ELF5: variants seen among roughly 807,000 people sequenced by gnomAD.
The protein encoded by ELF5 is ETS-related transcription factor Elf-5.
Under a neutral mutation model 38.2 loss-of-function variants are expected in ELF5, and 31 were observed. That is an observed-to-expected ratio of 0.81 (90% CI 0.61 to 1.10). The LOEUF is 1.10. Among genes scored for constraint, ELF5 ranks in the 50% least tolerant of loss-of-function variants. The pLI, the probability that ELF5 is intolerant of heterozygous loss-of-function variation, is 0.00. For synonymous variants in ELF5, 121 were observed against 112.5 expected (o/e 1.08, Z -0.48); for missense variants, 300 against 306.6 (o/e 0.98, Z 0.16).
intron 1 of ELF5, among the ~76,000 whole-genome samples, chr11:34,509,564 G>A (rs1307960001): frequency 6.6e-6 from 1 of 151,820 alleles, no homozygotes; most frequent in South Asian, 2.1e-4. Context: ...AAGGCTGCCT[G>A]GGTTTGGGCT....
chr11:34,481,108 T>A, intron 5 of ELF5, 141 bp from the exon 6 acceptor site: 1 of 570,246 alleles, frequency 1.8e-6, no homozygotes, highest in Admixed American at 4.1e-5. Context: ...CTGCAACCTC[T>A]GCCTCCTGGG....
At chr11:34,500,911 C>T (rs968216179) in intron 2 of ELF5, among the ~76,000 whole-genome samples, 1 of 152,044 alleles carries the variant, frequency 6.6e-6, no homozygotes, top group African/African-American at 2.4e-5. Context: ...AATAAAATCT[C>T]ACATTGTGCA....
At chr11:34,481,425 C>G (rs908736324) in intron 5 of ELF5, among the ~76,000 whole-genome samples, 1 of 152,120 alleles carries the variant, frequency 6.6e-6, no homozygotes, top group African/African-American at 2.4e-5. Flanking sequence ...ATTGCTCTAC[C>G]TGGAAACTTA....
At position 34,480,276 on chromosome 11, in the gene ELF5, C is replaced by T. The variant is rs750089040; in HGVS notation, c.710G>A (p.Arg237Gln). 2.6e-5 allele frequency: 42 copies of T among 1,613,916 alleles called. No individual in the cohort carries two copies. The Middle Eastern group carries it at 6.6e-4, about 25-fold the overall frequency. ...TTTTCCAAATTTGTACACTAACCTT[C>T]GGTCAACCCGCTCCAAAATTCCTGT... Reference protein sequence around the residue: ...YKTGILERVDRRLVYKFGKNA... With the variant: ...YKTGILERVDQRLVYKFGKNA... The change falls in exon 7 of 7, where the codon CGA (arginine) becomes CAA (glutamine). Residue 237 changes from arginine (R) to glutamine (Q), a missense_variant. Transcript: ENST00000257832.
intron 3 of ELF5, among the ~76,000 whole-genome samples, chr11:34,490,373 G>A (rs976614419): frequency 5.3e-5 from 8 of 152,224 alleles, no homozygotes; most frequent in Non-Finnish European, 4.4e-5. Flanking sequence ...TGGGCTCTGA[G>A]CTGGGCCGGG....
chr11:34,496,723 C>T (rs757238271), intron 2 of ELF5, among the ~76,000 whole-genome samples: 4 of 152,212 alleles, frequency 2.6e-5, no homozygotes, highest in Non-Finnish European at 2.9e-5. Flanking sequence ...CTGGCCTAGC[C>T]CACCACAGGC....
At chr11:34,500,350 T>A (rs55941777) in intron 2 of ELF5, among the ~76,000 whole-genome samples, 20,052 of 152,228 alleles carry the variant, frequency 0.13, 1,469 homozygotes, top group Admixed American at 0.21. Context: ...GGAAGGACTT[T>A]ATGAGGGAAA....
chr11:34,493,591 G>A lies in ELF5; in HGVS notation c.243C>T (p.Asn81=). The change falls in exon 3 of 7, where the codon AAC becomes AAT. Residue 81 remains asparagine (N), a synonymous_variant. Transcript: ENST00000257832. ...ACAGCTGCAGGCCACTGATGTTGAA[G>A]TTGCAGAAGGAGATGCAATTGGTGT... ...KLDTNCISFC[N]FNISGLQLCS... 1 of 1,614,214 alleles carries A rather than the reference G, an allele frequency of 6.2e-7. No individual in the cohort carries two copies. The highest frequency in any genetic ancestry group is 8.5e-7 in the Non-Finnish European group (1 of 1,180,048).
intron 3 of ELF5, chr11:34,493,181 T>A (rs1850220611): frequency 3.6e-6 from 2 of 556,076 alleles, no homozygotes; most frequent in Non-Finnish European, 6.4e-6. Flanking sequence ...TGGTTTCAAA[T>A]CATTATGAAT....
chr11:34,493,661 T>A lies in ELF5; in HGVS notation c.173A>T (p.His58Leu). 6.2e-7 allele frequency: 1 copy of A among 1,614,198 alleles called. No individual in the cohort carries two copies. Among genetic ancestry groups the A allele is most frequent in the South Asian group, 1.1e-5 (1 of 91,088 alleles). Residue 58 changes from histidine to leucine, a missense_variant, in exon 3 of 7, where the codon CAT becomes CTT. By Grantham distance (99) the His-to-Leu change is moderately conservative (BLOSUM62 -3). Transcript: ENST00000257832. The part of the protein sequence containing the change: ...SVHPEYWTKR[H>L]VWEWLQFCCD... ...GCAGAACTGGAGCCACTCCCACACA[T>A]GGCGCTTAGTCCAGTATTCAGGGTG...
intron 4 of ELF5, among the ~76,000 whole-genome samples, chr11:34,485,504 G>A (rs910654505): frequency 6.6e-6 from 1 of 152,220 alleles, no homozygotes; most frequent in Admixed American, 6.5e-5. Context: ...TCACTGAAAT[G>A]CCAAAATGGC....
intron 4 of ELF5, among the ~76,000 whole-genome samples, chr11:34,483,727 GTACTA>G (rs967590313): frequency 9.2e-5 from 14 of 151,596 alleles, no homozygotes; most frequent in Admixed American, 5.9e-4. Context: ...ATGCTATACT[GTACTA>G]TACTATACTA....
chr11:34,493,138 T>C (rs974587044), intron 3 of ELF5: 50 of 479,524 alleles, frequency 1.0e-4, no homozygotes, highest in Non-Finnish European at 1.7e-4. Context: ...TAATGAGAGA[T>C]GAAGCACAAA....
intron 2 of ELF5, among the ~76,000 whole-genome samples, chr11:34,501,559 G>T (rs751961755): frequency 7.2e-5 from 11 of 152,028 alleles, no homozygotes; most frequent in African/African-American, 1.2e-4. Context: ...ATATGCATGT[G>T]AACTACATGC....
At chr11:34,510,683 A>G (rs1324442738) in intron 1 of ELF5, among the ~76,000 whole-genome samples, 1 of 152,160 alleles carries the variant, frequency 6.6e-6, no homozygotes, top group Non-Finnish European at 1.5e-5. Flanking sequence ...GTTCTTGGGG[A>G]TCAAAAAACT....
chr11:34,480,725 A>T (rs1023704197), intron 6 of ELF5, 47 bp downstream of exon 6: 24 of 1,590,748 alleles, frequency 1.5e-5, no homozygotes, highest in Non-Finnish European at 2.1e-5. Context: ...CAGCCATTGT[A>T]TATAACTCTT....
chr11:34,509,244 C>T (rs1046330207), intron 1 of ELF5, among the ~76,000 whole-genome samples: 3 of 152,184 alleles, frequency 2.0e-5, no homozygotes, highest in African/African-American at 7.2e-5. Flanking sequence ...GCATGAGAAT[C>T]ACGAACCCAG....
intron 4 of ELF5, among the ~76,000 whole-genome samples, chr11:34,485,067 T>G: frequency 6.6e-6 from 1 of 152,202 alleles, no homozygotes; most frequent in East Asian, 1.9e-4. Context: ...ACGGAGCACT[T>G]ACTAAATGCC....
intron 2 of ELF5, among the ~76,000 whole-genome samples, chr11:34,502,671 C>G (rs3758738): frequency 3.3e-5 from 5 of 152,296 alleles, no homozygotes; most frequent in Admixed American, 2.6e-4. Context: ...TCCCGAGGGC[C>G]GGTGGCTACT....
Sources: allele counts gnomAD v4.1 joint callset (sites outside exome capture counted in the v4.1 genomes callset), GRCh38; gene constraint gnomAD v4.1.1; transcripts MANE v1.5; gene names NCBI Gene and HGNC (gene_info 2026-07-23, HGNC 2026-07-21).